The following KIF26A variants were observed in gnomAD, a reference collection of about 807,000 sequenced individuals.
KIF26A encodes the protein kinesin family member 26A, also known as kinesin-like protein KIF26A.
Under a neutral mutation model 126.0 loss-of-function variants are expected in KIF26A, and 74 were observed. That is an observed-to-expected ratio of 0.59 (90% CI 0.49 to 0.71). KIF26A has a LOEUF of 0.71. Among genes scored for constraint, KIF26A ranks in the 30% least tolerant of loss-of-function variants. KIF26A has a pLI of 0.00. For synonymous variants in KIF26A, 1,445 were observed against 1,232.7 expected, an observed-to-expected ratio of 1.17 and a Z score of -3.61; for missense variants, 2,984 against 2,763.3, an observed-to-expected ratio of 1.08 and a Z score of -1.79.
intron 4 of KIF26A, among the ~76,000 whole-genome samples, chr14:104,164,598 A>T (rs372745430): frequency 5.3e-5 from 8 of 152,210 alleles, no homozygotes; most frequent in African/African-American, 1.9e-4. Flanking sequence ...GGACCTGGGA[A>T]CACATCCCCA....
Position 104,173,501 on chromosome 14 carries a change from G to A in KIF26A, c.1855G>A (p.Gly619Ser), listed in dbSNP as rs763185147. The change falls in exon 9 of 15, where the codon GGC becomes AGC. Residue 619 changes from glycine to serine, a missense_variant. Transcript: ENST00000423312. ...HVYQYRMEKC[G>S]RGGMSGGRSR... is the part of the protein sequence containing the mutation. ...CTACCAGTACCGCATGGAGAAGTGC[G>A]GCCGGGGAGGAAGTAGGTGCCACAC... 55 of 1,562,342 alleles carry A rather than the reference G, an allele frequency of 3.5e-5. No homozygotes were observed. The highest frequency in any genetic ancestry group is 1.7e-4 in the Middle Eastern group (1 of 5,874).
rs764932813 is a variant in KIF26A at position 104,178,728 on chromosome 14, C to T, written c.5289C>T (p.Arg1763=). 1.0e-5 allele frequency: 16 copies of T among 1,549,660 alleles called. No individual in the cohort carries two copies. In the South Asian group the frequency reaches 1.4e-4, roughly 14 times the overall value. The part of the protein sequence containing the change: ...IDDVERLQRP[R]PTPREAPTQG... ...ACGTGGAGCGCCTTCAGCGGCCCCG[C>T]CCCACCCCGAGGGAGGCCCCCACCC... The change falls in exon 13 of 15, where the codon CGC becomes CGT. Residue 1763 remains arginine, a synonymous_variant. Transcript: ENST00000423312.
Position 104,178,760 on chromosome 14 carries a change from G to A in KIF26A, c.5316+5G>A, listed in dbSNP as rs977516056. 3 of 1,478,350 alleles carry A rather than the reference G, an allele frequency of 2.0e-6. No individual in the cohort carries two copies. The highest frequency in any genetic ancestry group is 4.3e-5 in the Admixed American group (2 of 46,570). The allele number at this position is 1,478,350 out of a possible 1,614,324, so 91.6% of individuals were successfully genotyped here. On this transcript the variant is annotated splice_donor_5th_base_variant and intron_variant, in intron 13 of 14. Coordinates refer to ENST00000423312, the MANE Select transcript of KIF26A (RefSeq NM_015656.2). ...CCGAGGGAGGCCCCCACCCAGGTAG[G>A]GCCTTTGGTGGGCTGGGGTCTATGA...
chr14:104,145,516 C>G (rs181193613), intron 2 of KIF26A, among the ~76,000 whole-genome samples: 42 of 152,342 alleles, frequency 2.8e-4, no homozygotes, highest in African/African-American at 1.0e-3. Context: ...CAGCTCAGCG[C>G]GCTGCATTGG....
chr14:104,153,277 G>A (rs2037746996), intron 3 of KIF26A, among the ~76,000 whole-genome samples: 1 of 152,086 alleles, frequency 6.6e-6, no homozygotes, highest in Non-Finnish European at 1.5e-5. Context: ...TGGTCCTTCT[G>A]AGGCTGCTGG....
Position 104,175,469 on chromosome 14 carries a change from T to A in KIF26A, c.2681T>A (p.Met894Lys). The A allele has an allele frequency of 1.3e-6, 2 of 1,592,638 alleles. No homozygotes were observed. Among genetic ancestry groups the A allele is most frequent in the Non-Finnish European group, 8.5e-7 (1 of 1,176,752 alleles). Residue 894 changes from methionine to lysine, a missense_variant, in exon 12 of 15, where the codon ATG becomes AAG. By Grantham distance (95) the Met-to-Lys change is moderately conservative. Coordinates refer to ENST00000423312, the MANE Select transcript of KIF26A (RefSeq NM_015656.2). ...CCCAGGAAGGCCGTGGGCACCCCGATGGCTGCCAGCACCCCTCGAGGCAGT... is the reference window on the plus strand; with the variant it reads ...CCCAGGAAGGCCGTGGGCACCCCGAAGGCTGCCAGCACCCCTCGAGGCAGT... ...ASPRKAVGTP[M>K]AASTPRGSSG...
Position 104,177,394 on chromosome 14 carries a change from G to T in KIF26A, c.4606G>T (p.Ala1536Ser). 6.7e-7 allele frequency: 1 copy of T among 1,491,114 alleles called. No individual in the cohort carries two copies. The highest frequency in any genetic ancestry group is 8.9e-7 in the Non-Finnish European group (1 of 1,124,642). The allele number at this position is 1,491,114 out of a possible 1,614,324, so 92.4% of individuals were successfully genotyped here. A position where few individuals can be genotyped will look rare whatever the true frequency, so the allele number is the denominator to read the frequency against. The change falls in exon 12 of 15, where the codon GCA becomes TCA. Residue 1536 changes from alanine to serine, a missense_variant. By Grantham distance (99) the Ala-to-Ser change is moderately conservative. Coordinates refer to ENST00000423312, the MANE Select transcript of KIF26A (RefSeq NM_015656.2). ...SPGGPVAGPR[A>S]APRAGPSVGA... is the part of the protein sequence containing the mutation. ...TGGCGGCCCTGTGGCCGGTCCCAGA[G>T]CAGCCCCACGGGCCGGGCCCAGTGT...
chr14:104,177,945 G>C, intron 12 of KIF26A, 47 bp downstream of exon 12: 1 of 1,444,274 alleles, frequency 6.9e-7, no homozygotes. Context: ...GGCTTTCTGT[G>C]TGTAGATGTG....
At chr14:104,153,724 G>A (rs1447343180) in intron 3 of KIF26A, among the ~76,000 whole-genome samples, 6 of 152,214 alleles carry the variant, frequency 3.9e-5, no homozygotes, top group African/African-American at 1.4e-4. Flanking sequence ...AGGTCTCATT[G>A]AGCTGGGCCT....
Position 104,139,031 on chromosome 14 carries a change from C to A in KIF26A, c.43-12C>A. 1 of 1,347,882 alleles carries A rather than the reference C, an allele frequency of 7.4e-7. No homozygotes were observed. Among genetic ancestry groups the A allele is most frequent in the Non-Finnish European group, 9.5e-7 (1 of 1,057,438 alleles). 83.5% of individuals were successfully genotyped at this position (1,347,882 alleles called of 1,614,324 possible). A position where few individuals can be genotyped will look rare whatever the true frequency, so the allele number is the denominator to read the frequency against. The stretch of plus-strand genomic sequence containing the variant: ...CAGGCTCACTGTCCGCTTCCGCCCC[C>A]ACACCCTGCAGGTGGCCGAGGGCGG... On this transcript the variant is annotated splice_polypyrimidine_tract_variant and intron_variant, in intron 1 of 14. Transcript: ENST00000423312.
At chr14:104,178,030 C>A in intron 12 of KIF26A, 132 bp downstream of exon 12, 1 of 1,056,218 alleles carries the variant, frequency 9.5e-7, no homozygotes. Flanking sequence ...CAGACCCACA[C>A]AGCCGTGGAC....
chr14:104,143,040 G>A (rs2037650769), intron 2 of KIF26A, among the ~76,000 whole-genome samples: 1 of 152,242 alleles, frequency 6.6e-6, no homozygotes, highest in African/African-American at 2.4e-5. Context: ...GACACGTCAT[G>A]TGAGGTGTTG....
At chr14:104,167,195 GC>G in intron 5 of KIF26A, 147 bp downstream of exon 5, 1 of 872,986 alleles carries the variant, frequency 1.1e-6, no homozygotes, top group Non-Finnish European at 1.7e-6. Flanking sequence ...GGAGACTGAG[GC>G]CCAGGTGGCA....
intron 3 of KIF26A, among the ~76,000 whole-genome samples, chr14:104,155,462 C>T (rs1448477974): frequency 2.7e-5 from 4 of 145,908 alleles, no homozygotes; most frequent in East Asian, 2.1e-4. Context: ...CTCGGCCTCA[C>T]GCTCCCCTCT....
chr14:104,156,021 G>C (rs189025531), intron 3 of KIF26A, among the ~76,000 whole-genome samples: 1 of 152,148 alleles, frequency 6.6e-6, no homozygotes, highest in South Asian at 2.1e-4. Context: ...GTGGCCCCAC[G>C]GTGGTGCCAT....
chr14:104,141,637 G>A (rs71417897), intron 2 of KIF26A, among the ~76,000 whole-genome samples: 8 of 151,118 alleles, frequency 5.3e-5, no homozygotes, highest in Admixed American at 4.6e-4. Context: ...CTCCGTTGTA[G>A]AGGGAGGCGT....
chr14:104,165,643 C>T (rs2037887182), intron 4 of KIF26A, among the ~76,000 whole-genome samples: 1 of 132,190 alleles, frequency 7.6e-6, no homozygotes, highest in Non-Finnish European at 1.5e-5. Context: ...GTCTGTGTTT[C>T]TGTATGCATG....
At position 104,138,654 on chromosome 14, in the gene KIF26A, G is replaced by T; in HGVS notation, c.-69G>T. The T allele has an allele frequency of 1.7e-6, 2 of 1,200,510 alleles. No individual in the cohort carries two copies. Among genetic ancestry groups the T allele is most frequent in the Non-Finnish European group, 2.1e-6 (2 of 954,208 alleles). The allele number at this position is 1,200,510 out of a possible 1,614,324, so 74.4% of individuals were successfully genotyped here. A position where few individuals can be genotyped will look rare whatever the true frequency, so the allele number is the denominator to read the frequency against. On this transcript the variant is annotated 5_prime_UTR_variant, in exon 1 of 15. Coordinates refer to ENST00000423312, the MANE Select transcript of KIF26A (RefSeq NM_015656.2). Reference sequence around the variant, plus strand: ...TGGGGGCGCCTCGGGGCCGGATCACGTAGCCGCGGCGCCCCCGGAGAGCCA... The same window carrying T: ...TGGGGGCGCCTCGGGGCCGGATCACTTAGCCGCGGCGCCCCCGGAGAGCCA...
intron 4 of KIF26A, among the ~76,000 whole-genome samples, chr14:104,163,447 C>T (rs1030835128): frequency 4.6e-5 from 7 of 152,086 alleles, no homozygotes; most frequent in Non-Finnish European, 7.4e-5. Context: ...CTTTGGGCGA[C>T]GAGGGCACAA....
Sources: gnomAD v4.1 joint callset for allele counts (sites outside exome capture counted in the v4.1 genomes callset) on GRCh38, gnomAD v4.1.1 for gene constraint, MANE v1.5 for transcripts, NCBI Gene and HGNC (gene_info 2026-07-23, HGNC 2026-07-21) for gene names.